Variants in CNTNAP4 observed in about 807,000 individuals in gnomAD.
CNTNAP4 encodes the protein contactin-associated protein-like 4.
In CNTNAP4, 98 loss-of-function variants were observed where a neutral mutation model predicts 148.4. The observed-to-expected ratio is 0.66, with a 90% confidence interval of 0.56 to 0.78. CNTNAP4 has a LOEUF of 0.78. Among genes scored for constraint, CNTNAP4 ranks in the 30% least tolerant of loss-of-function variants. The pLI is 0.00. For missense variants in CNTNAP4, 1,935 were observed against 1,565.6 expected (o/e 1.24, Z -3.98); for synonymous variants, 730 against 565.1 (o/e 1.29, Z -4.14).
intron 2 of CNTNAP4, among the ~76,000 whole-genome samples, chr16:76,354,091 A>C (rs2012237902): frequency 6.6e-6 from 1 of 152,356 alleles, no homozygotes; most frequent in South Asian, 2.1e-4. Context: ...TGGGGGAAGA[A>C]AATGTGCTAA....
At chr16:76,538,689 T>C (rs934873625) in intron 19 of CNTNAP4, among the ~76,000 whole-genome samples, 26 of 152,090 alleles carry the variant, frequency 1.7e-4, no homozygotes, top group African/African-American at 5.3e-4. Context: ...TCTTGTTGTA[T>C]GTAACTATTT....
chr16:76,327,765 A>C (rs989630713), intron 2 of CNTNAP4, among the ~76,000 whole-genome samples: 20 of 152,344 alleles, frequency 1.3e-4, no homozygotes, highest in African/African-American at 4.8e-4. Context: ...AAAGAGGATG[A>C]GAGCTGATGG....
intron 3 of CNTNAP4, among the ~76,000 whole-genome samples, chr16:76,418,235 C>T (rs1043541564): frequency 4.6e-5 from 7 of 151,410 alleles, no homozygotes; most frequent in Non-Finnish European, 7.4e-5. Flanking sequence ...TCCACTTACG[C>T]ATATGTTACA....
At chr16:76,353,261 A>G (rs61360904) in intron 2 of CNTNAP4, among the ~76,000 whole-genome samples, 2,468 of 152,356 alleles carry the variant, frequency 0.016, 63 homozygotes, top group African/African-American at 0.056. Context: ...TTCTAAAGAC[A>G]GTATAGTAAG....
chr16:76,335,738 T>G (rs1365019267), intron 2 of CNTNAP4, among the ~76,000 whole-genome samples: 1 of 152,132 alleles, frequency 6.6e-6, no homozygotes, highest in Non-Finnish European at 1.5e-5. Flanking sequence ...GATTGCCATG[T>G]GACAAGAACC....
In CNTNAP4 at chr16:76,548,558, C is replaced by T. The variant is rs1407486378; in HGVS notation, c.3443-4725C>T. ...CACCAAATTCTAATTTCTCGGTACTCCATTTTTCTTGCAGGCCTTTTGTTA... is the reference window on the plus strand; with the variant it reads ...CACCAAATTCTAATTTCTCGGTACTTCATTTTTCTTGCAGGCCTTTTGTTA... On this transcript the variant is annotated intron_variant, in intron 21 of 23. Coordinates refer to ENST00000611870, the MANE Select transcript of CNTNAP4 (RefSeq NM_033401.5). Among the ~76,000 whole-genome samples the T allele has an allele frequency of 2.6e-5, 4 of 152,056 alleles. No individual in the cohort carries two copies. In the East Asian group the frequency reaches 7.8e-4, roughly 30 times the overall value.
intron 15 of CNTNAP4, among the ~76,000 whole-genome samples, chr16:76,517,353 A>G (rs1159915860): frequency 6.6e-6 from 1 of 152,084 alleles, no homozygotes; most frequent in Non-Finnish European, 1.5e-5. Flanking sequence ...ATCATGGGGG[A>G]AACTAGATAA....
rs146249668 is a variant in CNTNAP4 at position 76,505,035 on chromosome 16, T to C, written c.2365+6341T>C. ...TGCACTACAGATGCAAAATGGTACA[T>C]ACTGCTTTGGAAAAGAATTTGGTTT... On this transcript the variant is annotated intron_variant, in intron 15 of 23. Coordinates refer to ENST00000611870, the MANE Select transcript of CNTNAP4 (RefSeq NM_033401.5). Among the ~76,000 whole-genome samples, 541 of 152,314 alleles carry C rather than the reference T, an allele frequency of 3.6e-3. 2 individuals carry two copies. The highest frequency in any genetic ancestry group is 0.012 in the African/African-American group (518 of 41,590).
At chr16:76,421,323 T>C (rs190713145) in intron 3 of CNTNAP4, among the ~76,000 whole-genome samples, 12 of 152,194 alleles carry the variant, frequency 7.9e-5, no homozygotes, top group Admixed American at 7.2e-4. Flanking sequence ...ATTTTGCAAA[T>C]TGAGATGTAT....
At chr16:76,407,416 A>G (rs1432819890) in intron 3 of CNTNAP4, among the ~76,000 whole-genome samples, 2 of 151,844 alleles carry the variant, frequency 1.3e-5, no homozygotes, top group Non-Finnish European at 2.9e-5. Flanking sequence ...ACCTTCTGGA[A>G]AGCAGTCACC....
intron 13 of CNTNAP4, among the ~76,000 whole-genome samples, chr16:76,492,788 C>T (rs138595180): frequency 6.6e-6 from 1 of 152,228 alleles, no homozygotes; most frequent in East Asian, 1.9e-4. Flanking sequence ...GATTTTGAGG[C>T]CTCCCCAGCC....
intron 3 of CNTNAP4, among the ~76,000 whole-genome samples, chr16:76,405,319 A>G (rs2078564579): frequency 6.6e-6 from 1 of 152,190 alleles, no homozygotes; most frequent in African/African-American, 2.4e-5. Context: ...ATAATTGCTA[A>G]GTAAAATAAA....
chr16:76,476,689 A>G (rs1471622846), intron 11 of CNTNAP4, among the ~76,000 whole-genome samples: 1 of 152,048 alleles, frequency 6.6e-6, no homozygotes, highest in Non-Finnish European at 1.5e-5. Flanking sequence ...ACATGGTGAA[A>G]GGGGTGAGGG....
chr16:76,375,279 A>C (rs1338024463), intron 3 of CNTNAP4, among the ~76,000 whole-genome samples: 1 of 152,068 alleles, frequency 6.6e-6, no homozygotes, highest in East Asian at 2.0e-4. Flanking sequence ...AAAATCAGCC[A>C]GGCGTGGTGG....
At chr16:76,404,166 C>T (rs2078518586) in intron 3 of CNTNAP4, among the ~76,000 whole-genome samples, 2 of 151,536 alleles carry the variant, frequency 1.3e-5, no homozygotes, top group African/African-American at 2.4e-5. Context: ...CACATGCACC[C>T]TTGAACTTAA....
chr16:76,397,739 C>G (rs1049706733), intron 3 of CNTNAP4, among the ~76,000 whole-genome samples: 1 of 150,836 alleles, frequency 6.6e-6, no homozygotes, highest in Non-Finnish European at 1.5e-5. Flanking sequence ...TCTGTCATTT[C>G]ATGAATAAAA....
At chr16:76,508,430 ATAT>A (rs1310130942) in intron 15 of CNTNAP4, among the ~76,000 whole-genome samples, 1 of 96,646 alleles carries the variant, frequency 1.0e-5, no homozygotes, top group African/African-American at 2.6e-5. Flanking sequence ...ATTTTAGTTA[ATAT>A]TAATTTTTTT....
intron 3 of CNTNAP4, among the ~76,000 whole-genome samples, chr16:76,365,327 C>G (rs988460686): frequency 6.6e-6 from 1 of 152,072 alleles, no homozygotes; most frequent in Non-Finnish European, 1.5e-5. Context: ...CAGCTTTGTT[C>G]TTTTGCTTAG....
intron 3 of CNTNAP4, among the ~76,000 whole-genome samples, chr16:76,411,710 C>T (rs1473196286): frequency 6.6e-6 from 1 of 151,326 alleles, no homozygotes; most frequent in South Asian, 2.1e-4. Flanking sequence ...TAAATACATG[C>T]AAAATTTAAA....
Sources: allele counts gnomAD v4.1 joint callset (sites outside exome capture counted in the v4.1 genomes callset), GRCh38; gene constraint gnomAD v4.1.1; transcripts MANE v1.5; gene names NCBI Gene and HGNC (gene_info 2026-07-23, HGNC 2026-07-21).